Variants in RABGAP1L observed in about 807,000 individuals in gnomAD.
RABGAP1L encodes the protein RAB GTPase activating protein 1 like.
Under a neutral mutation model 137.7 loss-of-function variants are expected in RABGAP1L, and 63 were observed. That is an observed-to-expected ratio of 0.46 (90% CI 0.37 to 0.56). RABGAP1L has a LOEUF of 0.56. RABGAP1L is among the 20% of genes least tolerant of loss of function. The pLI, the probability that RABGAP1L is intolerant of heterozygous loss-of-function variation, is 0.00. For missense variants in RABGAP1L, 1,095 were observed against 1,244.0 expected (o/e 0.88, Z 1.80); for synonymous variants, 431 against 433.7 (o/e 0.99, Z 0.08).
intron 19 of RABGAP1L, among the ~76,000 whole-genome samples, chr1:174,927,889 T>C (rs957279729): frequency 2.6e-5 from 4 of 152,210 alleles, no homozygotes; most frequent in Non-Finnish European, 1.5e-5. Context: ...TGCTCACAGC[T>C]GCTTGGTGAC....
chr1:174,719,848 T>C (rs1265367838), intron 17 of RABGAP1L, among the ~76,000 whole-genome samples: 2 of 152,040 alleles, frequency 1.3e-5, no homozygotes, highest in African/African-American at 4.8e-5. Context: ...GTGGTAGGAG[T>C]GACTCCAAAT....
chr1:174,320,740 T>C (rs1020966564), intron 11 of RABGAP1L, among the ~76,000 whole-genome samples: 1 of 152,220 alleles, frequency 6.6e-6, no homozygotes, highest in African/African-American at 2.4e-5. Context: ...CCTATGCCTG[T>C]CTTTAATCTC....
intron 7 of RABGAP1L, among the ~76,000 whole-genome samples, chr1:174,267,554 A>G (rs1396492837): frequency 6.6e-6 from 1 of 152,200 alleles, no homozygotes; most frequent in Non-Finnish European, 1.5e-5. Context: ...TCTTGGAGAT[A>G]CTTCACAACA....
At chr1:174,756,437 A>G (rs1242835391) in intron 18 of RABGAP1L, among the ~76,000 whole-genome samples, 1 of 152,118 alleles carries the variant, frequency 6.6e-6, no homozygotes, top group South Asian at 2.1e-4. Flanking sequence ...GGCATGAGCC[A>G]CCGCACCCTG....
intron 13 of RABGAP1L, among the ~76,000 whole-genome samples, chr1:174,569,889 T>G (rs1285907024): frequency 6.6e-6 from 1 of 152,202 alleles, no homozygotes. Flanking sequence ...AAAAGTAACC[T>G]TAGCAGATAA....
Position 174,436,997 on chromosome 1 carries a change from C to A in RABGAP1L, c.1710+42852C>A, listed in dbSNP as rs553930877. 5.7e-3 allele frequency among the ~76,000 whole-genome samples: 868 copies of A among 152,374 alleles called. 2 individuals are homozygous for A. The highest frequency in any genetic ancestry group is 0.02 in the African/African-American group (828 of 41,580). On this transcript the variant is annotated intron_variant, in intron 13 of 25. Coordinates refer to ENST00000681986, the MANE Select transcript of RABGAP1L (RefSeq NM_001366446.1). Reference sequence around the variant, plus strand: ...CCTCCAGGAAACTCCAACAGACCTGCAGCTGAGGGTCCTGACTGTTAGAAG... The same window carrying A: ...CCTCCAGGAAACTCCAACAGACCTGAAGCTGAGGGTCCTGACTGTTAGAAG...
At chr1:174,217,757 G>A (rs2148457238) in intron 1 of RABGAP1L, among the ~76,000 whole-genome samples, 1 of 152,244 alleles carries the variant, frequency 6.6e-6, no homozygotes, top group African/African-American at 2.4e-5. Context: ...TGGTCCAGGA[G>A]TATGGTTATT....
intron 13 of RABGAP1L, among the ~76,000 whole-genome samples, chr1:174,442,084 G>T (rs1351228568): frequency 5.9e-5 from 9 of 151,900 alleles, no homozygotes; most frequent in Non-Finnish European, 1.5e-5. Flanking sequence ...TAAATATTAT[G>T]ATTCAAAACT....
At chr1:174,672,124 A>G (rs1035997305) in intron 14 of RABGAP1L, among the ~76,000 whole-genome samples, 1 of 152,072 alleles carries the variant, frequency 6.6e-6, no homozygotes, top group Non-Finnish European at 1.5e-5. Context: ...ATAATTGTTC[A>G]TAATAATTTC....
chr1:174,766,423 A>G (rs1380822369), intron 18 of RABGAP1L, among the ~76,000 whole-genome samples: 2 of 152,092 alleles, frequency 1.3e-5, no homozygotes, highest in Non-Finnish European at 2.9e-5. Flanking sequence ...GGACAGTTTT[A>G]TTTCTGGAGT....
rs774132128 is a variant in RABGAP1L at position 174,241,537 on chromosome 1, G to A, written c.597G>A (p.Val199=). The part of the protein sequence containing the change: ...VEIASFPIYK[V]LFCARGHDGT... ...TAGCATCTTTTCCAATCTATAAGGT[G>A]TTATTCTGTGCACGTGGACATGACG... The change falls in exon 5 of 26, where the codon GTG becomes GTA. Residue 199 remains valine (V), a synonymous_variant. Transcript: ENST00000681986. 5 of 1,612,916 alleles carry A rather than the reference G, an allele frequency of 3.1e-6. No homozygotes were observed. Among genetic ancestry groups the A allele is most frequent in the Middle Eastern group, 1.6e-4 (1 of 6,084 alleles).
chr1:174,824,896 C>T (rs1489392564), intron 19 of RABGAP1L, among the ~76,000 whole-genome samples: 1 of 152,130 alleles, frequency 6.6e-6, no homozygotes, highest in Non-Finnish European at 1.5e-5. Flanking sequence ...ATGTTGTTCA[C>T]ATATCTCCAA....
At chr1:174,949,917 A>C (rs1167912398) in intron 19 of RABGAP1L, among the ~76,000 whole-genome samples, 1 of 152,264 alleles carries the variant, frequency 6.6e-6, no homozygotes, top group Non-Finnish European at 1.5e-5. Context: ...GAATGTGGCA[A>C]ATAAAGTACA....
intron 17 of RABGAP1L, among the ~76,000 whole-genome samples, chr1:174,725,565 TTTTCATTTTTAATC>T (rs1681911984): frequency 6.6e-6 from 1 of 152,194 alleles, no homozygotes; most frequent in African/African-American, 2.4e-5. Context: ...TTACTTTTTA[TTTTCATTTTTAATC>T]TTTCATTTTT....
chr1:174,766,414 G>A (rs1160321482), intron 18 of RABGAP1L, among the ~76,000 whole-genome samples: 1 of 152,146 alleles, frequency 6.6e-6, no homozygotes, highest in Non-Finnish European at 1.5e-5. Context: ...GTTGACCATG[G>A]ACAGTTTTAT....
intron 17 of RABGAP1L, among the ~76,000 whole-genome samples, chr1:174,724,685 C>CACA (rs1451338893): frequency 1.3e-5 from 2 of 152,050 alleles, no homozygotes; most frequent in African/African-American, 2.4e-5. Flanking sequence ...ATAGAACAGA[C>CACA]GTTGTCTTTG....
intron 19 of RABGAP1L, among the ~76,000 whole-genome samples, chr1:174,915,447 C>T (rs1437046875): frequency 6.6e-6 from 1 of 151,844 alleles, no homozygotes; most frequent in Non-Finnish European, 1.5e-5. Context: ...AATGTCTGTT[C>T]AGAGTTTTTG....
chr1:174,352,018 C>T, intron 11 of RABGAP1L, among the ~76,000 whole-genome samples: 1 of 152,112 alleles, frequency 6.6e-6, no homozygotes. Flanking sequence ...CTGTGTTAGC[C>T]AGGATGGTCT....
At chr1:174,645,718 C>G (rs1307244918) in intron 14 of RABGAP1L, among the ~76,000 whole-genome samples, 1 of 152,014 alleles carries the variant, frequency 6.6e-6, no homozygotes, top group Non-Finnish European at 1.5e-5. Context: ...ATTTATAATC[C>G]TTTGGGTACA....
Sources: allele counts gnomAD v4.1 joint callset (sites outside exome capture counted in the v4.1 genomes callset), GRCh38; gene constraint gnomAD v4.1.1; transcripts MANE v1.5; gene names NCBI Gene and HGNC (gene_info 2026-07-23, HGNC 2026-07-21).